HDC: variants seen among roughly 807,000 people sequenced by gnomAD.
HDC encodes the protein histidine decarboxylase.
HDC carries 27 observed loss-of-function variants against 64.4 expected under a neutral mutation model. That is an observed-to-expected ratio of 0.42 (90% CI 0.31 to 0.58). The LOEUF (loss-of-function observed/expected upper bound fraction) is 0.58, where lower values mean the gene tolerates loss of function less well. Ranked by LOEUF, HDC falls within the 20% of genes least tolerant of loss-of-function variation. The pLI, the probability that HDC is intolerant of heterozygous loss-of-function variation, is 0.16. For synonymous variants in HDC, 305 were observed against 314.2 expected, an observed-to-expected ratio of 0.97 and a Z score of 0.31; for missense variants, 711 against 833.9, an observed-to-expected ratio of 0.85 and a Z score of 1.81.
chr15:50,243,024 G>C lies in HDC; in HGVS notation c.1243-18C>G. On this transcript the variant is annotated intron_variant, in intron 11 of 11. Transcript: ENST00000267845. Reference sequence around the variant, plus strand: ...TTAGGACCCTGTTTGAAAAATAAAGGAAGTGAAGTCTCCATCGCACCCCCT... The same window carrying C: ...TTAGGACCCTGTTTGAAAAATAAAGCAAGTGAAGTCTCCATCGCACCCCCT... 6.2e-7 allele frequency: 1 copy of C among 1,614,066 alleles called. No homozygotes were observed. The highest frequency in any genetic ancestry group is 8.5e-7 in the Non-Finnish European group (1 of 1,180,018).
At position 50,248,254 on chromosome 15, in the gene HDC, A is replaced by G. The variant is rs770184819; in HGVS notation, c.1131T>C (p.His377=). Residue 377 remains histidine, a synonymous_variant, in exon 10 of 12, where the codon CAT becomes CAC. Transcript: ENST00000267845. This position sits in a 1 kb window ranked among gnomAD's most constrained non-coding sequence, Gnocchi z 4.3. ...RSFGVKNLQA[H]VRHGTEMAKY... ...GCAGCATGCTACATACATGTCTGAC[A>G]TGTGCTTGAAGATTCTTCACCCCGA... 9.9e-6 allele frequency: 16 copies of G among 1,610,200 alleles called. No individual in the cohort carries two copies. In the African/African-American group the frequency reaches 1.2e-4, roughly 12 times the overall value.
In HDC at chr15:50,263,523, C is replaced by T. The variant is rs537782020; in HGVS notation, c.32-116G>A. Reference sequence around the variant, plus strand: ...TGGTAAAGAAGGAGATGGATTTGGCCGGGCACAGTGGCTCATGCCTGTAAT... The same window carrying T: ...TGGTAAAGAAGGAGATGGATTTGGCTGGGCACAGTGGCTCATGCCTGTAAT... On this transcript the variant is annotated intron_variant, in intron 1 of 11. Transcript: ENST00000267845. 7.3e-4 allele frequency: 711 copies of T among 971,560 alleles called. 1 individual carries two copies. The highest frequency in any genetic ancestry group is 2.1e-3 in the South Asian group (156 of 72,610). The allele number at this position is 971,560 out of a possible 1,614,324, so 60.2% of individuals were successfully genotyped here.
chr15:50,251,832 AG>A (rs200982348), intron 9 of HDC, among the ~76,000 whole-genome samples: 2,339 of 117,702 alleles, frequency 0.02, 55 homozygotes, highest in African/African-American at 0.07. Flanking sequence ...ACTCTGTCTC[AG>A]AAAAAAAAAA....
Position 50,263,393 on chromosome 15 carries a change from C to A in HDC, c.46G>T (p.Asp16Tyr), listed in dbSNP as rs754369996. 2.5e-6 allele frequency: 4 copies of A among 1,614,032 alleles called. No homozygotes were observed. The highest frequency in any genetic ancestry group is 3.4e-6 in the Non-Finnish European group (4 of 1,180,022). The part of the protein sequence containing the change: ...EYRERGREMV[D>Y]YICQYLSTVR... ...GTGCTCAGGTACTGGCAGATGTAAT[C>A]CACCATCTCTCTCCCTAGAAGTGAC... The change falls in exon 2 of 12, where the codon GAT becomes TAT. Residue 16 changes from aspartate (D) to tyrosine (Y), a missense_variant. Transcript: ENST00000267845.
chr15:50,261,403 C>T lies in HDC; in HGVS notation c.204+1832G>A, dbSNP rs574352580. Among the ~76,000 whole-genome samples, 8 of 152,200 alleles carry T rather than the reference C, an allele frequency of 5.3e-5. No individual in the cohort carries two copies. In the South Asian group the frequency reaches 1.7e-3, roughly 32 times the overall value. On this transcript the variant is annotated intron_variant, in intron 2 of 11. Coordinates refer to ENST00000267845, the MANE Select transcript of HDC (RefSeq NM_002112.4). Reference sequence around the variant, plus strand: ...GATAATCTTATCAGGATCTAGCCTCCGTAAAGCCTTACTGATATTGACATT... The same window carrying T: ...GATAATCTTATCAGGATCTAGCCTCTGTAAAGCCTTACTGATATTGACATT...
intron 7 of HDC, 57 bp downstream of exon 7, chr15:50,253,543 A>G: frequency 1.4e-6 from 2 of 1,459,028 alleles, no homozygotes; most frequent in Non-Finnish European, 1.9e-6. Flanking sequence ...TCCTTGCTTT[A>G]GGAGACATTT....
intron 9 of HDC, among the ~76,000 whole-genome samples, chr15:50,251,684 T>C (rs1288918223): frequency 6.6e-6 from 1 of 152,104 alleles, no homozygotes; most frequent in Non-Finnish European, 1.5e-5. Flanking sequence ...GAGTTGAGGT[T>C]TGCTGGGCGC....
chr15:50,255,922 A>G (rs2140937166), intron 4 of HDC, among the ~76,000 whole-genome samples: 1 of 152,342 alleles, frequency 6.6e-6, no homozygotes, highest in Non-Finnish European at 1.5e-5. Flanking sequence ...GATTCTTGTC[A>G]CACTAAGATG....
Position 50,252,538 on chromosome 15 carries a change from G to A in HDC, c.951-18C>T. ...CCTTGACCCTGTGGGTTTCCAAATG[G>A]GCATTAGTGGCTGAGGTCTCTCCAG... On this transcript the variant is annotated intron_variant, in intron 8 of 11. Coordinates refer to ENST00000267845, the MANE Select transcript of HDC (RefSeq NM_002112.4). The A allele has an allele frequency of 1.9e-6, 3 of 1,614,050 alleles. No individual in the cohort carries two copies. Among genetic ancestry groups the A allele is most frequent in the African/African-American group, 2.7e-5 (2 of 75,034 alleles).
rs777913889 is a variant in HDC at position 50,254,150 on chromosome 15, G to C, written c.700C>G (p.Arg234Gly). Residue 234 changes from arginine to glycine, a missense_variant, in exon 6 of 12, where the codon CGG (arginine) becomes GGG (glycine). This residue lies in a region of HDC where 483 missense variants were observed against 540.9 expected (regional missense o/e 0.89). Coordinates refer to ENST00000267845, the MANE Select transcript of HDC (RefSeq NM_002112.4). The part of the protein sequence containing the change: ...LQKAIEEDKQ[R>G]GLVPVFVCAT... The stretch of plus-strand genomic sequence containing the variant: ...CTTACAAAGACGGGCACCAAGCCCC[G>C]CTGCTTGTCTTCCTCGATGGCCTTC... The C allele has an allele frequency of 1.2e-6, 2 of 1,614,124 alleles. No homozygotes were observed. Among genetic ancestry groups the C allele is most frequent in the East Asian group, 4.5e-5 (2 of 44,886 alleles).
At chr15:50,263,480 G>A (rs1190238309) in intron 1 of HDC, 73 bp from the exon 2 acceptor site, 1 of 1,434,616 alleles carries the variant, frequency 7.0e-7, no homozygotes, top group Non-Finnish European at 9.7e-7. Context: ...ATCCCTCTCA[G>A]GTCCGGGCCA....
chr15:50,254,768 C>CTCTCTCTT (rs1567452503), intron 4 of HDC, 104 bp from the exon 5 acceptor site: 1 of 1,017,046 alleles, frequency 9.8e-7, no homozygotes, highest in Non-Finnish European at 1.5e-6. Flanking sequence ...CTCTCTCTCT[C>CTCTCTCTT]TCTCTCTCTG....
At chr15:50,262,126 A>G (rs2045712340) in intron 2 of HDC, among the ~76,000 whole-genome samples, 1 of 151,888 alleles carries the variant, frequency 6.6e-6, no homozygotes, top group Admixed American at 6.6e-5. Context: ...AAGCAGGGAG[A>G]GGGAAGACAC....
chr15:50,245,646 G>A lies in HDC; in HGVS notation c.1141-2402C>T, dbSNP rs145275580. 1.9e-3 allele frequency among the ~76,000 whole-genome samples: 286 copies of A among 152,248 alleles called. 1 individual carries two copies. Among genetic ancestry groups the A allele is most frequent in the Admixed American group, 0.017 (261 of 15,290 alleles). ...GTGGTGGCTCATGCCTGTAATCCTC[G>A]CACTTTGGGAGGCCAAGGTAGGCAG... On this transcript the variant is annotated intron_variant, in intron 10 of 11. Transcript: ENST00000267845.
chr15:50,253,359 T>A (rs2045583431), intron 7 of HDC: 1 of 577,062 alleles, frequency 1.7e-6, no homozygotes, highest in African/African-American at 1.9e-5. Flanking sequence ...GCTCTCCTAC[T>A]GTCGCCTCCT....
At position 50,262,832 on chromosome 15, in the gene HDC, C is replaced by T. The variant is rs951477747; in HGVS notation, c.204+403G>A. ...CACTGTACAGAAGAGTCTCTGGCTCCGTCGTCAGGGCCAGGCACTACCACC... is the reference window on the plus strand; with the variant it reads ...CACTGTACAGAAGAGTCTCTGGCTCTGTCGTCAGGGCCAGGCACTACCACC... On this transcript the variant is annotated intron_variant, in intron 2 of 11. Transcript: ENST00000267845. Among the ~76,000 whole-genome samples the T allele has an allele frequency of 4.6e-5, 7 of 152,070 alleles. No homozygotes were observed. In the East Asian group the frequency reaches 5.8e-4, roughly 13 times the overall value.
At position 50,265,660 on chromosome 15, in the gene HDC, C is replaced by T. The variant is rs373731847; in HGVS notation, c.-37G>A. 4.6e-5 allele frequency: 74 copies of T among 1,610,818 alleles called. No homozygotes were observed. The highest frequency in any genetic ancestry group is 6.7e-5 in the East Asian group (3 of 44,876). On this transcript the variant is annotated 5_prime_UTR_variant, in exon 1 of 12. It adds an upstream start codon to the 5' untranslated region. Coordinates refer to ENST00000267845, the MANE Select transcript of HDC (RefSeq NM_002112.4). ...TCTGGCTCCTTCTCACAGATGGACACGCAGGAGGTGGAAGGCGTGAAAGGC... is the reference window on the plus strand; with the variant it reads ...TCTGGCTCCTTCTCACAGATGGACATGCAGGAGGTGGAAGGCGTGAAAGGC...
chr15:50,262,749 C>A (rs1469083559), intron 2 of HDC, among the ~76,000 whole-genome samples: 1 of 152,190 alleles, frequency 6.6e-6, no homozygotes, highest in South Asian at 2.1e-4. Context: ...TGGTCACCAG[C>A]GTGTCCTTGC....
intron 7 of HDC, 143 bp from the exon 8 acceptor site, chr15:50,252,917 G>C: frequency 1.3e-6 from 1 of 775,422 alleles, no homozygotes; most frequent in Non-Finnish European, 2.1e-6. Context: ...ATGGGAGCAG[G>C]TGGAGTCAGT....
Sources: allele counts gnomAD v4.1 joint callset (sites outside exome capture counted in the v4.1 genomes callset), GRCh38; gene constraint gnomAD v4.1.1; regional missense constraint gnomAD v4.1.1; non-coding constraint Gnocchi (gnomAD v3.1); transcripts MANE v1.5; gene names NCBI Gene and HGNC (gene_info 2026-07-23, HGNC 2026-07-21).